The following ATP9B variants were observed in gnomAD, a reference collection of about 807,000 sequenced individuals.
ATP9B encodes probable phospholipid-transporting ATPase IIB.
In ATP9B, 110 loss-of-function variants were observed where a neutral mutation model predicts 146.1. The observed-to-expected ratio is 0.75, with a 90% CI of 0.65 to 0.88. The LOEUF is 0.88. Ranked by LOEUF, ATP9B falls within the 40% of genes least tolerant of loss-of-function variation. The pLI, the probability that ATP9B is intolerant of heterozygous loss-of-function variation, is 0.00. For missense variants in ATP9B, 1,499 were observed against 1,496.4 expected, an observed-to-expected ratio of 1.00 and a Z score of -0.03; for synonymous variants, 604 against 569.7, an observed-to-expected ratio of 1.06 and a Z score of -0.86.
chr18:79,365,938 G>A (rs2097025359), intron 26 of ATP9B, among the ~76,000 whole-genome samples: 2 of 152,282 alleles, frequency 1.3e-5, no homozygotes, highest in African/African-American at 4.8e-5. Flanking sequence ...GACAGCCTGT[G>A]TGTGATGGAA....
At chr18:79,261,896 A>G (rs866567987) in intron 12 of ATP9B, among the ~76,000 whole-genome samples, 5 of 152,144 alleles carry the variant, frequency 3.3e-5, no homozygotes, top group African/African-American at 1.2e-4. Context: ...ACTTTATAAT[A>G]GGCAGCTCAG....
chr18:79,275,044 A>G (rs1380058041), intron 12 of ATP9B, among the ~76,000 whole-genome samples: 1 of 152,188 alleles, frequency 6.6e-6, no homozygotes, highest in African/African-American at 2.4e-5. Flanking sequence ...AACAGCAGAA[A>G]CCCATTTGCA....
At chr18:79,090,151 A>G (rs1457680762) in intron 1 of ATP9B, among the ~76,000 whole-genome samples, 4 of 152,142 alleles carry the variant, frequency 2.6e-5, no homozygotes, top group Admixed American at 2.0e-4. Context: ...TATGTACCAC[A>G]TTTTCTTTAT....
At chr18:79,106,530 C>G (rs2075662958) in intron 2 of ATP9B, among the ~76,000 whole-genome samples, 1 of 152,184 alleles carries the variant, frequency 6.6e-6, no homozygotes, top group South Asian at 2.1e-4. Context: ...GCAGGCCTTT[C>G]ACACCTCATG....
At chr18:79,177,358 C>T (rs1421715764) in intron 8 of ATP9B, among the ~76,000 whole-genome samples, 1 of 152,130 alleles carries the variant, frequency 6.6e-6, no homozygotes, top group Non-Finnish European at 1.5e-5. Context: ...TCCACAGTCT[C>T]CTGAGTAGAT....
intron 4 of ATP9B, chr18:79,114,905 T>C (rs2094039704): frequency 6.5e-6 from 1 of 153,466 alleles, no homozygotes; most frequent in Non-Finnish European, 1.5e-5. Flanking sequence ...GAATTTATCC[T>C]AAAGAAATAA....
intron 13 of ATP9B, among the ~76,000 whole-genome samples, chr18:79,300,410 G>A (rs545693988): frequency 6.6e-6 from 1 of 152,320 alleles, no homozygotes; most frequent in East Asian, 1.9e-4. Flanking sequence ...TTCCCTTCTC[G>A]GTTAAGGTAT....
intron 4 of ATP9B, among the ~76,000 whole-genome samples, chr18:79,116,686 A>G (rs1254699562): frequency 8.6e-5 from 4 of 46,646 alleles, no homozygotes; most frequent in African/African-American, 2.5e-4. Context: ...AAAACCAAAC[A>G]CCGCATATTC....
chr18:79,105,292 A>G (rs67147092), intron 2 of ATP9B, among the ~76,000 whole-genome samples: 31,855 of 152,170 alleles, frequency 0.21, 3,711 homozygotes, highest in East Asian at 0.5. Context: ...TACTAACATT[A>G]TTTGGTGGCT....
At chr18:79,197,713 A>G (rs1335275322) in intron 9 of ATP9B, among the ~76,000 whole-genome samples, 1 of 152,206 alleles carries the variant, frequency 6.6e-6, no homozygotes, top group Non-Finnish European at 1.5e-5. Flanking sequence ...CTGAAAAAAG[A>G]CAGGTGCAGG....
intron 11 of ATP9B, among the ~76,000 whole-genome samples, chr18:79,225,312 TTAGA>T (rs765076588): frequency 1.1e-4 from 16 of 152,232 alleles, no homozygotes; most frequent in Non-Finnish European, 2.1e-4. Flanking sequence ...AAACATGAAA[TTAGA>T]TAGTTTTTCA....
intron 11 of ATP9B, among the ~76,000 whole-genome samples, chr18:79,215,373 C>G (rs1176028277): frequency 2.6e-5 from 4 of 152,052 alleles, no homozygotes; most frequent in Non-Finnish European, 5.9e-5. Context: ...CACGGAGAAT[C>G]CAGTGTGCAT....
chr18:79,225,109 C>T (rs1261440655), intron 11 of ATP9B, among the ~76,000 whole-genome samples: 1 of 152,238 alleles, frequency 6.6e-6, no homozygotes, highest in East Asian at 1.9e-4. Context: ...TTTCTCTCTA[C>T]AGTTATCTTT....
chr18:79,345,714 A>G, intron 22 of ATP9B, 61 bp from the exon 23 acceptor site: 3 of 1,607,876 alleles, frequency 1.9e-6, no homozygotes, highest in Non-Finnish European at 2.6e-6. Flanking sequence ...TTCTGATGGT[A>G]AAAATGAAAA....
At chr18:79,077,702 CCTCAAAAA>C (rs1371142547) in intron 1 of ATP9B, among the ~76,000 whole-genome samples, 1 of 152,178 alleles carries the variant, frequency 6.6e-6, no homozygotes, top group African/African-American at 2.4e-5. Context: ...AGACCAGTTT[CCTCAAAAA>C]CAAGAGGTTC....
At chr18:79,259,838 T>G (rs1490019596) in intron 12 of ATP9B, among the ~76,000 whole-genome samples, 1 of 152,226 alleles carries the variant, frequency 6.6e-6, no homozygotes, top group African/African-American at 2.4e-5. Flanking sequence ...TTCTGTGACA[T>G]TTTACAGGTT....
At chr18:79,230,604 T>C (rs1296108523) in intron 11 of ATP9B, among the ~76,000 whole-genome samples, 1 of 152,120 alleles carries the variant, frequency 6.6e-6, no homozygotes, top group Non-Finnish European at 1.5e-5. Context: ...CATCCCATGC[T>C]CATGGATGGG....
intron 5 of ATP9B, among the ~76,000 whole-genome samples, chr18:79,141,865 T>G (rs779863325): frequency 1.3e-5 from 2 of 152,210 alleles, no homozygotes; most frequent in Non-Finnish European, 2.9e-5. Flanking sequence ...AAAAAGTAAT[T>G]CATGCTGGAC....
At chr18:79,320,228 G>A (rs945704820) in intron 15 of ATP9B, among the ~76,000 whole-genome samples, 3 of 152,246 alleles carry the variant, frequency 2.0e-5, no homozygotes, top group African/African-American at 7.2e-5. Context: ...CTGGACCTGT[G>A]TGGGGAACTG....
Sources: gnomAD v4.1 joint callset for allele counts (sites outside exome capture counted in the v4.1 genomes callset) on GRCh38, gnomAD v4.1.1 for gene constraint, MANE v1.5 for transcripts, NCBI Gene and HGNC (gene_info 2026-07-23, HGNC 2026-07-21) for gene names.